MYRFL: variants seen among roughly 807,000 people sequenced by gnomAD.
The protein encoded by MYRFL is myelin regulatory factor like.
Under a neutral mutation model 109.4 loss-of-function variants are expected in MYRFL, and 88 were observed. The ratio of observed to expected loss-of-function variants is 0.80; its 90% CI spans 0.68 to 0.96. The LOEUF (loss-of-function observed/expected upper bound fraction) is 0.96. MYRFL is among the 40% of genes least tolerant of loss of function. MYRFL has a pLI of 0.00. For missense variants in MYRFL, 957 were observed against 954.9 expected, an observed-to-expected ratio of 1.00 and a Z score of -0.03; for synonymous variants, 324 against 320.9, an observed-to-expected ratio of 1.01 and a Z score of -0.10.
Position 69,895,420 on chromosome 12 carries a change from C to T in MYRFL, c.1030C>T (p.His344Tyr), listed in dbSNP as rs1414467469. The change falls in exon 9 of 25, where the codon CAC becomes TAC. Residue 344 changes from histidine (H) to tyrosine (Y), a missense_variant. Coordinates refer to ENST00000552032, the MANE Select transcript of MYRFL (RefSeq NM_182530.3). ...QVTKVTLGRL[H>Y]FSETTANNMR... ...CACCAAAGTAACACTGGGACGATTA[C>T]ACTTCAGCGAAACCACAGCAAATAA... is the stretch of plus-strand genomic sequence containing the variant. The T allele has an allele frequency of 3.3e-6, 5 of 1,535,366 alleles. No individual in the cohort carries two copies. The highest frequency in any genetic ancestry group is 2.0e-5 in the Admixed American group (1 of 50,956).
chr12:69,904,977 G>T (rs1331590329), intron 11 of MYRFL, among the ~76,000 whole-genome samples: 1 of 152,192 alleles, frequency 6.6e-6, no homozygotes, highest in African/African-American at 2.4e-5. Flanking sequence ...AAGAATGGTT[G>T]TAATTGTAGA....
intron 2 of MYRFL, among the ~76,000 whole-genome samples, chr12:69,868,698 GACA>G (rs1006544243): frequency 3.3e-5 from 5 of 152,158 alleles, no homozygotes; most frequent in Non-Finnish European, 5.9e-5. Flanking sequence ...CATACTCATT[GACA>G]ACATTTCTGC....
chr12:69,856,927 A>G (rs946618202), intron 2 of MYRFL, among the ~76,000 whole-genome samples: 52 of 152,034 alleles, frequency 3.4e-4, no homozygotes, highest in African/African-American at 1.1e-3. Context: ...TTTTTCTTAT[A>G]TGACTTACGG....
intron 1 of MYRFL, among the ~76,000 whole-genome samples, chr12:69,854,086 T>C (rs1032378909): frequency 6.6e-6 from 1 of 152,192 alleles, no homozygotes; most frequent in Non-Finnish European, 1.5e-5. Context: ...AGACTTCGTC[T>C]GCAATCCCGG....
chr12:69,886,816 G>T lies in MYRFL; in HGVS notation c.557-4G>T. The T allele has an allele frequency of 6.5e-7, 1 of 1,535,756 alleles. No individual in the cohort carries two copies. Among genetic ancestry groups the T allele is most frequent in the Non-Finnish European group, 8.7e-7 (1 of 1,146,686 alleles). ...AAGGCTCTGACGCACCTGTTTCTTT[G>T]CAGTGACAAGTAGGAGTCGCAGCAG... On this transcript the variant is annotated splice_region_variant and splice_polypyrimidine_tract_variant and intron_variant, in intron 5 of 24. Transcript: ENST00000552032.
intron 2 of MYRFL, among the ~76,000 whole-genome samples, chr12:69,865,589 T>C (rs372661249): frequency 5.9e-5 from 9 of 152,272 alleles, no homozygotes; most frequent in Admixed American, 3.9e-4. Flanking sequence ...AGGTCAGAGA[T>C]ACCTTGCTTC....
At chr12:69,874,993 TATATACATTTATATC>T (rs1366159422) in intron 2 of MYRFL, among the ~76,000 whole-genome samples, 1 of 150,868 alleles carries the variant, frequency 6.6e-6, no homozygotes, top group Non-Finnish European at 1.5e-5. Flanking sequence ...ATATCTAAGA[TATATACATTTATATC>T]TTTAAGAAGC....
chr12:69,918,861 C>A lies in MYRFL; in HGVS notation c.1603-7710C>A, dbSNP rs76354439. On this transcript the variant is annotated intron_variant, in intron 13 of 24. Coordinates refer to ENST00000552032, the MANE Select transcript of MYRFL (RefSeq NM_182530.3). ...TTATTTTATTCTTTCCTGGTACTTT[C>A]AAAAATAAAATGAATATACCAAGTC... 2.6e-4 allele frequency among the ~76,000 whole-genome samples: 39 copies of A among 152,178 alleles called. No individual in the cohort carries two copies. In the East Asian group the frequency reaches 7.1e-3, roughly 28 times the overall value.
intron 5 of MYRFL, among the ~76,000 whole-genome samples, chr12:69,884,158 T>C (rs914247207): frequency 6.6e-6 from 1 of 152,210 alleles, no homozygotes; most frequent in Non-Finnish European, 1.5e-5. Flanking sequence ...AGAAAGTTTA[T>C]GGAACAAAAG....
At chr12:69,861,184 T>G (rs1404616365) in intron 2 of MYRFL, among the ~76,000 whole-genome samples, 2 of 151,646 alleles carry the variant, frequency 1.3e-5, no homozygotes, top group Non-Finnish European at 2.9e-5. Context: ...TCTTTGCTAT[T>G]GCGAATAGTG....
At chr12:69,855,830 T>A (rs956149287) in intron 2 of MYRFL, among the ~76,000 whole-genome samples, 23 of 152,300 alleles carry the variant, frequency 1.5e-4, no homozygotes, top group African/African-American at 5.5e-4. Context: ...TCAGTTTTTT[T>A]AATCTCTCAA....
chr12:69,837,863 C>T (rs1287584929), intron 1 of MYRFL, among the ~76,000 whole-genome samples: 5 of 152,082 alleles, frequency 3.3e-5, no homozygotes, highest in African/African-American at 9.7e-5. Flanking sequence ...GCCTTTTTTC[C>T]GTGTCTGTCT....
Position 69,897,238 on chromosome 12 carries a change from A to G in MYRFL, c.1174A>G (p.Ile392Val). 1 of 1,535,596 alleles carries G rather than the reference A, an allele frequency of 6.5e-7. No individual in the cohort carries two copies. Reference protein sequence around the residue: ...LLSAHISERIIVRASNPGQFE... With the variant: ...LLSAHISERIVVRASNPGQFE... ...GTCTGCCCACATCTCTGAAAGGATC[A>G]TTGTAAGGGTAAGCTCAGTTCTCTG... The change falls in exon 10 of 25, where the codon ATT becomes GTT. Residue 392 changes from isoleucine to valine, a missense_variant. Physicochemically the swap from Ile to Val is conservative, Grantham distance 29. Coordinates refer to ENST00000552032, the MANE Select transcript of MYRFL (RefSeq NM_182530.3).
chr12:69,842,170 G>C (rs1356102537), intron 1 of MYRFL, among the ~76,000 whole-genome samples: 1 of 152,166 alleles, frequency 6.6e-6, no homozygotes, highest in Admixed American at 6.5e-5. Flanking sequence ...GAAATGCAAT[G>C]TGGGAAGTTT....
chr12:69,930,610 G>A (rs1435413826), intron 15 of MYRFL, among the ~76,000 whole-genome samples: 1 of 151,962 alleles, frequency 6.6e-6, no homozygotes, highest in Non-Finnish European at 1.5e-5. Context: ...CTTGAGCCCA[G>A]GAGTTCAAGA....
rs745767087 is a variant in MYRFL, at chr12:69,935,808, A to AATC, written c.1917-304_1917-302dup. On this transcript the variant is annotated intron_variant, in intron 16 of 24. Coordinates refer to ENST00000552032, the MANE Select transcript of MYRFL (RefSeq NM_182530.3). The stretch of plus-strand genomic sequence containing the variant: ...CAGCAACTTACATGCTTCCTCTTGT[A>AATC]ATCTTCCACTAGTGACAGGCACCTC... 1.7e-4 allele frequency: 63 copies of AATC among 377,992 alleles called. 1 individual carries two copies. The highest frequency in any genetic ancestry group is 2.6e-4 in the Non-Finnish European group (56 of 212,326). 23.4% of individuals were successfully genotyped at this position (377,992 alleles called of 1,614,324 possible). A position where few individuals can be genotyped will look rare whatever the true frequency, so the allele number is the denominator to read the frequency against.
chr12:69,892,687 CCAAAAT>C (rs1886986343), intron 7 of MYRFL, among the ~76,000 whole-genome samples: 1 of 152,088 alleles, frequency 6.6e-6, no homozygotes, highest in Non-Finnish European at 1.5e-5. Flanking sequence ...AAAACAAAAA[CCAAAAT>C]ACATATAAAC....
At chr12:69,922,696 A>G (rs1323262697) in intron 13 of MYRFL, among the ~76,000 whole-genome samples, 2 of 152,212 alleles carry the variant, frequency 1.3e-5, no homozygotes, top group African/African-American at 4.8e-5. Context: ...CAGAACCACT[A>G]TAACATTATC....
Position 69,934,800 on chromosome 12 carries a change from A to C in MYRFL, c.1917-1313A>C, listed in dbSNP as rs569296253. On this transcript the variant is annotated intron_variant, in intron 16 of 24. Coordinates refer to ENST00000552032, the MANE Select transcript of MYRFL (RefSeq NM_182530.3). ...CTGAGGCTGATGTTTTTATAGGCAC[A>C]GGATAGGGGCACGGCAGGCCATAGG... Among the ~76,000 whole-genome samples, 153 of 152,280 alleles carry C rather than the reference A, an allele frequency of 1.0e-3. 2 individuals carry two copies. Among genetic ancestry groups the C allele is most frequent in the Admixed American group, 9.9e-3 (151 of 15,306 alleles).
Sources: gnomAD v4.1 joint callset for allele counts (sites outside exome capture counted in the v4.1 genomes callset) on GRCh38, gnomAD v4.1.1 for gene constraint, MANE v1.5 for transcripts, NCBI Gene and HGNC (gene_info 2026-07-23, HGNC 2026-07-21) for gene names.